Variants in SP1 observed in about 807,000 individuals in gnomAD.
SP1 encodes transcription factor Sp1.
Under a neutral mutation model 66.3 loss-of-function variants are expected in SP1, and 6 were observed. That is an observed-to-expected ratio of 0.09 (90% CI 0.05 to 0.18). SP1 has a LOEUF of 0.18. Ranked by LOEUF, SP1 falls within the 10% of genes least tolerant of loss-of-function variation. SP1 has a pLI of 1.00. For missense variants in SP1, 848 were observed against 964.5 expected, an observed-to-expected ratio of 0.88 and a Z score of 1.60; for synonymous variants, 417 against 360.8, an observed-to-expected ratio of 1.16 and a Z score of -1.77.
Position 53,380,209 on chromosome 12 carries a change from G to T in SP1, c.-83G>T, listed in dbSNP as rs1333538514. Reference sequence around the variant, plus strand: ...CTCCCTGTCCGGTCCGGGTTCGCTTGCCTCGTCAGCGTCCGCGTTTTTCCC... The same window carrying T: ...CTCCCTGTCCGGTCCGGGTTCGCTTTCCTCGTCAGCGTCCGCGTTTTTCCC... On this transcript the variant is annotated 5_prime_UTR_variant, in exon 1 of 6. Transcript: ENST00000327443. 1.9e-6 allele frequency: 2 copies of T among 1,037,802 alleles called. No individual in the cohort carries two copies. The highest frequency in any genetic ancestry group is 2.5e-5 in the East Asian group (1 of 40,222). The allele number at this position is 1,037,802 out of a possible 1,614,324, so 64.3% of individuals were successfully genotyped here.
intron 3 of SP1, among the ~76,000 whole-genome samples, chr12:53,405,135 T>G (rs1252986862): frequency 6.6e-6 from 1 of 151,446 alleles, no homozygotes; most frequent in African/African-American, 2.4e-5. Context: ...AGGCGTGAGC[T>G]ACCATGCCCA....
intron 4 of SP1, among the ~76,000 whole-genome samples, chr12:53,407,114 A>G (rs943083569): frequency 5.3e-5 from 8 of 150,386 alleles, no homozygotes; most frequent in Admixed American, 4.6e-4. Flanking sequence ...GTGAGCCACC[A>G]TGCCCGGCAA....
rs1291161083 is a variant in SP1, at chr12:53,404,505, G to A, written c.1676-2080G>A. Among the ~76,000 whole-genome samples the A allele has an allele frequency of 2.0e-5, 3 of 148,748 alleles. 1 individual carries two copies. In the East Asian group the frequency reaches 5.9e-4, roughly 29 times the overall value. ...TGCAATGAGTCAAGATTGTGCCATT[G>A]CACTCCAGCCTGGGCAACAAGAGTG... On this transcript the variant is annotated intron_variant, in intron 3 of 5. Coordinates refer to ENST00000327443, the MANE Select transcript of SP1 (RefSeq NM_138473.3).
chr12:53,380,523 G>C (rs1450675375), intron 1 of SP1: 4 of 537,920 alleles, frequency 7.4e-6, no homozygotes, highest in African/African-American at 2.0e-5. Flanking sequence ...GGGCAGCGTG[G>C]CCTCGCCCGC....
intron 3 of SP1, among the ~76,000 whole-genome samples, chr12:53,388,121 A>G (rs1938270391): frequency 6.6e-6 from 1 of 152,232 alleles, no homozygotes; most frequent in African/African-American, 2.4e-5. Context: ...GAAAAGTTTT[A>G]TAAAAACTGA....
At chr12:53,389,870 G>A (rs1193900846) in intron 3 of SP1, among the ~76,000 whole-genome samples, 1 of 152,068 alleles carries the variant, frequency 6.6e-6, no homozygotes, top group Admixed American at 6.6e-5. Flanking sequence ...CAGGAGAATA[G>A]AACATATTTC....
chr12:53,406,644 A>G lies in SP1; in HGVS notation c.1735A>G (p.Thr579Ala). The G allele has an allele frequency of 6.2e-7, 1 of 1,614,046 alleles. No homozygotes were observed. The highest frequency in any genetic ancestry group is 8.5e-7 in the Non-Finnish European group (1 of 1,179,982). The change falls in exon 4 of 6, where the codon ACA (threonine) becomes GCA (alanine). Residue 579 changes from threonine to alanine, a missense_variant. By Grantham distance (58) the Thr-to-Ala change is moderately conservative (BLOSUM62 0). This residue lies in a region of SP1 where 26 missense variants were observed against 49.2 expected (regional missense o/e 0.53). Transcript: ENST00000327443. The stretch of plus-strand genomic sequence containing the variant: ...TGGTGGTGATGGAATACATGATGAC[A>G]CAGCAGGTGGAGAGGAAGGAGAAAA... ...GAGGDGIHDD[T>A]AGGEEGENSP...
At chr12:53,410,470 C>T (rs1234709810) in intron 5 of SP1, among the ~76,000 whole-genome samples, 2 of 152,022 alleles carry the variant, frequency 1.3e-5, no homozygotes, top group African/African-American at 2.4e-5. Context: ...TTTTCTTCCT[C>T]ACGCCCCCGC....
In SP1 at chr12:53,409,572, G is replaced by A. The variant is rs755953522; in HGVS notation, c.2044+11G>A. ...AACGTACACACACAGGTGAGCAAGA[G>A]CCTATGGGAGAGAAAAATAGTAATA... On this transcript the variant is annotated intron_variant, in intron 5 of 5. Coordinates refer to ENST00000327443, the MANE Select transcript of SP1 (RefSeq NM_138473.3). The A allele has an allele frequency of 1.4e-5, 22 of 1,608,652 alleles. No homozygotes were observed. Among genetic ancestry groups the A allele is most frequent in the Non-Finnish European group, 1.9e-5 (22 of 1,175,416 alleles).
intron 3 of SP1, among the ~76,000 whole-genome samples, chr12:53,403,937 C>T (rs1014896839): frequency 2.6e-5 from 4 of 151,300 alleles, no homozygotes; most frequent in Admixed American, 2.0e-4. Flanking sequence ...TTTGGGAGGC[C>T]GAGGCGGGCG....
At chr12:53,389,528 G>T (rs180724658) in intron 3 of SP1, among the ~76,000 whole-genome samples, 349 of 151,898 alleles carry the variant, frequency 2.3e-3, no homozygotes, top group Middle Eastern at 0.017. Context: ...TGCATTTTTA[G>T]TAGAGACTGG....
At chr12:53,402,696 G>A (rs1161585463) in intron 3 of SP1, among the ~76,000 whole-genome samples, 1 of 151,356 alleles carries the variant, frequency 6.6e-6, no homozygotes, top group Non-Finnish European at 1.5e-5. Context: ...GCCGGGTGCA[G>A]TGGCTCACAC....
At chr12:53,386,652 C>T (rs1169926527) in intron 3 of SP1, among the ~76,000 whole-genome samples, 1 of 151,610 alleles carries the variant, frequency 6.6e-6, no homozygotes, top group Non-Finnish European at 1.5e-5. Context: ...CCACCATGCC[C>T]GCCTAATTGT....
rs376061234 is a variant in SP1, at chr12:53,402,973, A to G, written c.1676-3612A>G. Among the ~76,000 whole-genome samples, 777 of 151,694 alleles carry G rather than the reference A, an allele frequency of 5.1e-3. 17 individuals carry two copies. Among genetic ancestry groups the G allele is most frequent in the African/African-American group, 0.017 (704 of 41,388 alleles). On this transcript the variant is annotated intron_variant, in intron 3 of 5. Transcript: ENST00000327443. The stretch of plus-strand genomic sequence containing the variant: ...GGGCGACAGAGATTCCATCTCAGAA[A>G]AAAAAAAAAAATGCAGAAATTAGCC...
Position 53,383,017 on chromosome 12 carries a change from A to G in SP1, c.1070A>G (p.Gln357Arg). 1 of 1,614,166 alleles carries G rather than the reference A, an allele frequency of 6.2e-7. No individual in the cohort carries two copies. The highest frequency in any genetic ancestry group is 8.5e-7 in the Non-Finnish European group (1 of 1,180,024). The change falls in exon 3 of 6, where the codon CAG becomes CGG. Residue 357 changes from glutamine (Q) to arginine (R), a missense_variant. Physicochemically the swap from Gln to Arg is conservative, Grantham distance 43. This residue lies in a region of SP1 where 606 missense variants were observed against 589.9 expected (regional missense o/e 1.03). Coordinates refer to ENST00000327443, the MANE Select transcript of SP1 (RefSeq NM_138473.3). ...SGTNSQGQTP[Q>R]RVSGLQGSDA... ...ACCAACTCTCAAGGCCAGACACCCC[A>G]GAGGGTCAGTGGGCTACAGGGGTCT...
At chr12:53,391,346 C>CTTTTTTTTTTTTTTTTT (rs71068117) in intron 3 of SP1, among the ~76,000 whole-genome samples, 1 of 97,460 alleles carries the variant, frequency 1.0e-5, no homozygotes, top group Admixed American at 1.3e-4. Context: ...TAAGTAATGT[C>CTTTTTTTTTTTTTTTTT]TTTTTTTTTT....
chr12:53,400,742 C>T (rs1938591405), intron 3 of SP1, among the ~76,000 whole-genome samples: 1 of 147,868 alleles, frequency 6.8e-6, no homozygotes, highest in Non-Finnish European at 1.5e-5. Context: ...GTGTGTACCA[C>T]CACACTGGGC....
intron 3 of SP1, among the ~76,000 whole-genome samples, chr12:53,386,108 A>T (rs983879271): frequency 2.0e-5 from 3 of 152,104 alleles, no homozygotes; most frequent in Admixed American, 2.0e-4. Flanking sequence ...ATCAGGATTG[A>T]ATTTTTTTTT....
intron 3 of SP1, 34 bp downstream of exon 3, chr12:53,383,656 C>G: frequency 6.5e-7 from 1 of 1,535,526 alleles, no homozygotes; most frequent in Non-Finnish European, 8.8e-7. Flanking sequence ...TTATTGGGAA[C>G]CAACTCTAGC....
Sources: allele counts gnomAD v4.1 joint callset (sites outside exome capture counted in the v4.1 genomes callset), GRCh38; gene constraint gnomAD v4.1.1; regional missense constraint gnomAD v4.1.1; transcripts MANE v1.5; gene names NCBI Gene and HGNC (gene_info 2026-07-23, HGNC 2026-07-21).